The following NBAS variants were observed in gnomAD, a reference collection of about 807,000 sequenced individuals.
The protein encoded by NBAS is NBAS subunit of NRZ tethering complex.
In NBAS, 219 loss-of-function variants were observed where a neutral mutation model predicts 302.5. The observed-to-expected ratio is 0.72, with a 90% CI of 0.65 to 0.81. The LOEUF (loss-of-function observed/expected upper bound fraction) is 0.81. Ranked by LOEUF, NBAS falls within the 30% of genes least tolerant of loss-of-function variation. The pLI, the probability that NBAS is intolerant of heterozygous loss-of-function variation, is 0.00. For synonymous variants in NBAS, 1,118 were observed against 1,021.6 expected (o/e 1.09, Z -1.80); for missense variants, 2,932 against 2,841.6 (o/e 1.03, Z -0.72).
chr2:14,824,047 G>A, the NBAS span, among the ~76,000 whole-genome samples: 1 of 152,208 alleles, frequency 6.6e-6, no homozygotes, highest in East Asian at 1.9e-4. Context: ...ACTGCCCAGA[G>A]CCAGAGGGGC....
At chr2:15,224,321 G>T (rs977523253) in intron 47 of NBAS, among the ~76,000 whole-genome samples, 6 of 152,176 alleles carry the variant, frequency 3.9e-5, no homozygotes, top group Non-Finnish European at 1.5e-5. Context: ...CAGTAAGAGA[G>T]TTTTCAGGTT....
the NBAS span, among the ~76,000 whole-genome samples, chr2:15,103,469 CTGTT>C: frequency 3.9e-5 from 6 of 152,244 alleles, no homozygotes; most frequent in African/African-American, 9.6e-5. Flanking sequence ...CATTGACTCA[CTGTT>C]TGTCCTACAC....
the NBAS span, among the ~76,000 whole-genome samples, chr2:15,012,126 G>A: frequency 6.6e-6 from 1 of 152,082 alleles, no homozygotes; most frequent in Non-Finnish European, 1.5e-5. Context: ...TAATCTTAAG[G>A]ACACTCAGGA....
At chr2:14,958,282 C>T in the NBAS span, among the ~76,000 whole-genome samples, 2 of 152,230 alleles carry the variant, frequency 1.3e-5, no homozygotes, top group African/African-American at 2.4e-5. Context: ...AGCTGCCTGG[C>T]GTCCTTGGAG....
At chr2:14,890,349 CTA>C in the NBAS span, among the ~76,000 whole-genome samples, 13 of 152,024 alleles carry the variant, frequency 8.6e-5, no homozygotes, top group African/African-American at 3.1e-4. Flanking sequence ...GCAAAAAACT[CTA>C]TCTCAATCCC....
chr2:14,866,584 C>T, the NBAS span, among the ~76,000 whole-genome samples: 1 of 152,092 alleles, frequency 6.6e-6, no homozygotes, highest in Non-Finnish European at 1.5e-5. Context: ...TCAGCTCTGA[C>T]ATGGAATGAG....
At chr2:15,458,630 T>A (rs888479280) in intron 21 of NBAS, among the ~76,000 whole-genome samples, 1 of 152,208 alleles carries the variant, frequency 6.6e-6, no homozygotes, top group African/African-American at 2.4e-5. Flanking sequence ...ATGCTTCTTG[T>A]ACAGTCTGTG....
chr2:15,495,282 G>A (rs1444894295), intron 11 of NBAS, among the ~76,000 whole-genome samples: 1 of 152,100 alleles, frequency 6.6e-6, no homozygotes, highest in Non-Finnish European at 1.5e-5. Flanking sequence ...CTTGATAAAA[G>A]AAGGCACTAC....
At chr2:14,942,740 G>A in the NBAS span, among the ~76,000 whole-genome samples, 1 of 152,220 alleles carries the variant, frequency 6.6e-6, no homozygotes, top group Non-Finnish European at 1.5e-5. Flanking sequence ...ACCACAGAAA[G>A]GAAGATATTA....
chr2:15,551,823 G>C (rs769562438), intron 5 of NBAS, among the ~76,000 whole-genome samples: 1 of 152,146 alleles, frequency 6.6e-6, no homozygotes, highest in Non-Finnish European at 1.5e-5. Flanking sequence ...GAGATGTCTG[G>C]TCCCCATCCC....
At chr2:15,265,205 C>T (rs1041639969) in intron 44 of NBAS, among the ~76,000 whole-genome samples, 6 of 152,208 alleles carry the variant, frequency 3.9e-5, no homozygotes, top group Non-Finnish European at 7.3e-5. Context: ...AATGACCCTT[C>T]TCTTTTCAGT....
chr2:15,541,616 T>TGCTG (rs1426181761), intron 6 of NBAS, among the ~76,000 whole-genome samples: 9 of 152,086 alleles, frequency 5.9e-5, no homozygotes, highest in Non-Finnish European at 1.2e-4. Context: ...TAAGTCTAAT[T>TGCTG]AATTTTATTA....
the NBAS span, among the ~76,000 whole-genome samples, chr2:15,038,155 C>T: frequency 4.1e-5 from 6 of 148,048 alleles, no homozygotes; most frequent in Non-Finnish European, 8.9e-5. Context: ...CTCTGCCGCC[C>T]AAGCTGGAGT....
the NBAS span, among the ~76,000 whole-genome samples, chr2:15,081,818 C>T: frequency 6.6e-6 from 1 of 152,196 alleles, no homozygotes; most frequent in Middle Eastern, 3.2e-3. Flanking sequence ...ACTTTGGCTG[C>T]TGCCTGGAAG....
intron 42 of NBAS, among the ~76,000 whole-genome samples, chr2:15,278,740 T>C (rs564475571): frequency 5.9e-5 from 9 of 152,212 alleles, no homozygotes; most frequent in East Asian, 1.9e-4. Context: ...TGCAAAACAA[T>C]AGTATCACCT....
chr2:15,209,115 C>T (rs1666284236), intron 48 of NBAS, among the ~76,000 whole-genome samples: 2 of 152,130 alleles, frequency 1.3e-5, no homozygotes, highest in South Asian at 2.1e-4. Context: ...AAAAAGGAGA[C>T]ATTTCAACCA....
chr2:14,846,304 C>T, the NBAS span, among the ~76,000 whole-genome samples: 1 of 151,978 alleles, frequency 6.6e-6, no homozygotes, highest in African/African-American at 2.4e-5. Context: ...CTATTATATA[C>T]TTTTACAGAA....
intron 9 of NBAS, among the ~76,000 whole-genome samples, chr2:15,524,221 T>C (rs932494493): frequency 6.6e-6 from 1 of 152,234 alleles, no homozygotes; most frequent in Non-Finnish European, 1.5e-5. Flanking sequence ...GCCATCATGC[T>C]GCCCTATTCG....
chr2:15,551,898 T>A (rs1225557456), intron 5 of NBAS, among the ~76,000 whole-genome samples: 1 of 152,158 alleles, frequency 6.6e-6, no homozygotes, highest in Non-Finnish European at 1.5e-5. Context: ...GCTGGATACA[T>A]CATTCCTAAT....
Sources: gnomAD v4.1 joint callset for allele counts (sites outside exome capture counted in the v4.1 genomes callset) on GRCh38, gnomAD v4.1.1 for gene constraint, MANE v1.5 for transcripts, NCBI Gene and HGNC (gene_info 2026-07-23, HGNC 2026-07-21) for gene names.